The following RANBP17 variants were observed in gnomAD, a reference collection of about 807,000 sequenced individuals.
The protein encoded by RANBP17 is ran-binding protein 17.
A neutral mutation model predicts 141.2 loss-of-function variants in RANBP17; 158 were observed. That is an observed-to-expected ratio of 1.12 (90% CI 0.98 to 1.28). RANBP17 has a LOEUF of 1.28. RANBP17 is among the 50% of genes most tolerant of loss of function. The pLI, the probability that RANBP17 is intolerant of heterozygous loss-of-function variation, is 0.00. For synonymous variants in RANBP17, 430 were observed against 450.0 expected, an observed-to-expected ratio of 0.96 and a Z score of 0.56; for missense variants, 1,438 against 1,290.7, an observed-to-expected ratio of 1.11 and a Z score of -1.75.
chr5:171,081,980 G>A (rs1200972666), intron 14 of RANBP17, among the ~76,000 whole-genome samples: 1 of 152,076 alleles, frequency 6.6e-6, no homozygotes, highest in East Asian at 1.9e-4. Context: ...CTCTAAAATT[G>A]TGTAACTTTT....
chr5:171,298,934 T>C lies in RANBP17; in HGVS notation c.*76T>C. The stretch of plus-strand genomic sequence containing the variant: ...AGGTCTGGGTCTCAGGACAGTGATG[T>C]TGGCTAGCCCAGGGGAATGTATTTT... On this transcript the variant is annotated 3_prime_UTR_variant, in exon 28 of 28. Transcript: ENST00000523189. 8.9e-7 allele frequency: 1 copy of C among 1,126,858 alleles called. No individual in the cohort carries two copies. Among genetic ancestry groups the C allele is most frequent in the Non-Finnish European group, 1.3e-6 (1 of 746,636 alleles). The allele number at this position is 1,126,858 out of a possible 1,614,324, so 69.8% of individuals were successfully genotyped here. A position where few individuals can be genotyped will look rare whatever the true frequency, so the allele number is the denominator to read the frequency against.
chr5:171,203,730 A>G (rs189917784), intron 19 of RANBP17, among the ~76,000 whole-genome samples: 2 of 152,326 alleles, frequency 1.3e-5, no homozygotes, highest in East Asian at 3.9e-4. Context: ...AAATATTTTT[A>G]GAGCCCTTTG....
At chr5:170,995,051 G>T (rs1382305788) in intron 14 of RANBP17, among the ~76,000 whole-genome samples, 1 of 152,034 alleles carries the variant, frequency 6.6e-6, no homozygotes, top group African/African-American at 2.4e-5. Flanking sequence ...TAGTTCTGGT[G>T]TATATTCAGA....
At chr5:171,258,402 A>T (rs187853766) in intron 24 of RANBP17, among the ~76,000 whole-genome samples, 1 of 152,306 alleles carries the variant, frequency 6.6e-6, no homozygotes, top group East Asian at 1.9e-4. Flanking sequence ...ATGTGGAACC[A>T]TAAAAGAGCC....
intron 14 of RANBP17, among the ~76,000 whole-genome samples, chr5:171,088,608 C>T (rs1346214781): frequency 5.9e-5 from 9 of 152,184 alleles, no homozygotes; most frequent in African/African-American, 1.4e-4. Flanking sequence ...ACCAATCAGA[C>T]GTAGATTTGG....
chr5:171,182,474 C>G (rs1382350727), intron 16 of RANBP17, among the ~76,000 whole-genome samples: 1 of 152,230 alleles, frequency 6.6e-6, no homozygotes, highest in Non-Finnish European at 1.5e-5. Flanking sequence ...CAAATCTCAG[C>G]ACTGTCAATC....
chr5:170,961,697 A>G (rs921639406), intron 13 of RANBP17, among the ~76,000 whole-genome samples: 11 of 152,208 alleles, frequency 7.2e-5, no homozygotes, highest in Non-Finnish European at 1.3e-4. Flanking sequence ...CAAAAAAATT[A>G]AAAATCTGAA....
intron 14 of RANBP17, among the ~76,000 whole-genome samples, chr5:170,993,686 G>A (rs1778646607): frequency 6.6e-6 from 1 of 152,014 alleles, no homozygotes; most frequent in African/African-American, 2.4e-5. Flanking sequence ...AATATTAACT[G>A]TTGTAATGAT....
chr5:171,038,196 G>GCA (rs1782012486), intron 14 of RANBP17, among the ~76,000 whole-genome samples: 1 of 149,718 alleles, frequency 6.7e-6, no homozygotes, highest in South Asian at 2.1e-4. Flanking sequence ...GTGTGTGTGT[G>GCA]CACGTGCACA....
intron 21 of RANBP17, among the ~76,000 whole-genome samples, chr5:171,214,314 C>T (rs760776365): frequency 1.9e-4 from 29 of 152,250 alleles, no homozygotes; most frequent in Non-Finnish European, 3.5e-4. Flanking sequence ...TCTGAAATTG[C>T]CCAGTTGACC....
chr5:170,916,595 A>G lies in RANBP17; in HGVS notation c.954+11A>G. 1 of 1,514,316 alleles carries G rather than the reference A, an allele frequency of 6.6e-7. No individual in the cohort carries two copies. The highest frequency in any genetic ancestry group is 9.0e-7 in the Non-Finnish European group (1 of 1,116,632). 93.8% of individuals were successfully genotyped at this position (1,514,316 alleles called of 1,614,324 possible). ...CTTGAAAACCCTCAGGTATTTATGA[A>G]GTAATTTAATACTTAGCATATAGAG... On this transcript the variant is annotated intron_variant, in intron 9 of 27. Transcript: ENST00000523189.
At chr5:171,089,285 A>C (rs1253294290) in intron 14 of RANBP17, among the ~76,000 whole-genome samples, 2 of 102,444 alleles carry the variant, frequency 2.0e-5, no homozygotes. Context: ...GTCACGGGTC[A>C]GGGACCCACT....
intron 12 of RANBP17, among the ~76,000 whole-genome samples, chr5:170,927,800 T>G (rs1314886888): frequency 1.3e-5 from 2 of 152,126 alleles, no homozygotes; most frequent in Non-Finnish European, 2.9e-5. Flanking sequence ...ACACTTAGAG[T>G]TTTTGGCTAT....
intron 14 of RANBP17, among the ~76,000 whole-genome samples, chr5:171,007,966 A>G (rs943344178): frequency 4.6e-5 from 7 of 152,206 alleles, no homozygotes; most frequent in African/African-American, 1.7e-4. Flanking sequence ...GTGGGTGAGC[A>G]GCCAAAGCAG....
At chr5:170,863,880 G>T (rs754076209) in intron 1 of RANBP17, among the ~76,000 whole-genome samples, 1 of 152,162 alleles carries the variant, frequency 6.6e-6, no homozygotes, top group South Asian at 2.1e-4. Flanking sequence ...GTACATTCCT[G>T]TAGACAGCTT....
intron 18 of RANBP17, among the ~76,000 whole-genome samples, chr5:171,186,136 C>G (rs912051824): frequency 6.6e-6 from 1 of 152,128 alleles, no homozygotes; most frequent in African/African-American, 2.4e-5. Flanking sequence ...AGCATTAGCC[C>G]CTAATGAGAG....
intron 24 of RANBP17, among the ~76,000 whole-genome samples, chr5:171,249,770 A>G (rs1581117429): frequency 6.6e-6 from 1 of 152,204 alleles, no homozygotes; most frequent in Admixed American, 6.5e-5. Context: ...ATATGAAACA[A>G]CATAAAGTGA....
At position 170,909,721 on chromosome 5, in the gene RANBP17, T is replaced by G. The variant is rs773279238; in HGVS notation, c.550T>G (p.Ser184Ala). Residue 184 changes from serine (S) to alanine (A), a missense_variant, in exon 6 of 28, where the codon TCT (serine) becomes GCT (alanine). By Grantham distance (99) the Ser-to-Ala change is moderately conservative. Coordinates refer to ENST00000523189, the MANE Select transcript of RANBP17 (RefSeq NM_022897.5). ...AATAGCTACCTCATTTCGTGATACT[T>G]CTCTCAAAGACGTTTTAGTGCTAGC... ...RKIATSFRDT[S>A]LKDVLVLACS... 2 of 1,597,472 alleles carry G rather than the reference T, an allele frequency of 1.3e-6. No individual in the cohort carries two copies. The highest frequency in any genetic ancestry group is 8.6e-7 in the Non-Finnish European group (1 of 1,167,002).
chr5:171,013,995 T>A (rs1375943695), intron 14 of RANBP17, among the ~76,000 whole-genome samples: 1 of 152,130 alleles, frequency 6.6e-6, no homozygotes, highest in Non-Finnish European at 1.5e-5. Flanking sequence ...ACAGTTTCAC[T>A]TTATATATTT....
Sources: gnomAD v4.1 joint callset for allele counts (sites outside exome capture counted in the v4.1 genomes callset) on GRCh38, gnomAD v4.1.1 for gene constraint, MANE v1.5 for transcripts, NCBI Gene and HGNC (gene_info 2026-07-23, HGNC 2026-07-21) for gene names.